ABCC11: variants seen among roughly 807,000 people sequenced by gnomAD.
ABCC11 encodes the protein ATP-binding cassette sub-family C member 11.
In ABCC11, 135 loss-of-function variants were observed where a neutral mutation model predicts 149.3. The ratio of observed to expected loss-of-function variants is 0.90; its 90% CI spans 0.79 to 1.04. ABCC11 has a LOEUF of 1.04. Ranked by LOEUF, ABCC11 falls within the 50% of genes least tolerant of loss-of-function variation. ABCC11 has a pLI of 0.00. For synonymous variants in ABCC11, 665 were observed against 671.4 expected (o/e 0.99, Z 0.15); for missense variants, 1,680 against 1,722.1 (o/e 0.98, Z 0.43).
intron 6 of ABCC11, among the ~76,000 whole-genome samples, chr16:48,222,320 T>G (rs1299968555): frequency 6.6e-6 from 1 of 152,136 alleles, no homozygotes; most frequent in Non-Finnish European, 1.5e-5. Flanking sequence ...TAAACAATCC[T>G]CCTGCCTGGG....
At chr16:48,170,991 T>C in intron 26 of ABCC11, 24 bp from the exon 27 acceptor site, 1 of 1,571,822 alleles carries the variant, frequency 6.4e-7, no homozygotes, top group Non-Finnish European at 8.8e-7. Flanking sequence ...GAAAGAGAAG[T>C]GTTCAACAAC....
intron 22 of ABCC11, among the ~76,000 whole-genome samples, chr16:48,185,227 C>T (rs1966684243): frequency 6.6e-6 from 1 of 152,204 alleles, no homozygotes; most frequent in African/African-American, 2.4e-5. Context: ...ATTTAATGAA[C>T]ATCTGTATAC....
At chr16:48,190,525 G>C (rs182614579) in intron 20 of ABCC11, among the ~76,000 whole-genome samples, 1 of 151,998 alleles carries the variant, frequency 6.6e-6, no homozygotes, top group Non-Finnish European at 1.5e-5. Context: ...CCCCATGTCC[G>C]GCTAATTTTT....
chr16:48,215,494 G>A (rs1969269058), intron 7 of ABCC11, 150 bp from the exon 8 acceptor site: 1 of 902,492 alleles, frequency 1.1e-6, no homozygotes, highest in Admixed American at 3.0e-5. Flanking sequence ...CTATGCCTTA[G>A]AGCATCCCAG....
chr16:48,175,142 G>A, intron 26 of ABCC11, 116 bp downstream of exon 26: 2 of 1,366,148 alleles, frequency 1.5e-6, no homozygotes, highest in East Asian at 2.5e-5. Context: ...GGCCCAGCAG[G>A]CCAAGGAGGC....
intron 12 of ABCC11, among the ~76,000 whole-genome samples, chr16:48,205,811 TC>T (rs1968391791): frequency 7.0e-6 from 1 of 142,044 alleles, no homozygotes. Flanking sequence ...CGTTTTTTCC[TC>T]TTTTTTTTTT....
In ABCC11 at chr16:48,224,403, ACTT is replaced by A. The variant is rs759291792; in HGVS notation, c.419_421del (p.Glu140del). 6.2e-6 allele frequency: 10 copies of A among 1,614,186 alleles called. No homozygotes were observed. The highest frequency in any genetic ancestry group is 6.8e-6 in the Non-Finnish European group (8 of 1,180,026). Reference sequence around the variant, plus strand: ...AGCTTTTTCAATCCCTCGCCTTGAGACTTCTTCTTCCCAAAGGCGGTGAAGCCT... The same window carrying A: ...AGCTTTTTCAATCCCTCGCCTTGAGACTTCTTCCCAAAGGCGGTGAAGCCT... On this transcript the variant is annotated inframe_deletion, in exon 5 of 30. Coordinates refer to ENST00000356608, the MANE Select transcript of ABCC11 (RefSeq NM_001370497.1).
intron 25 of ABCC11, among the ~76,000 whole-genome samples, chr16:48,176,629 A>C (rs1305069754): frequency 6.6e-6 from 1 of 152,168 alleles, no homozygotes; most frequent in Middle Eastern, 3.2e-3. Flanking sequence ...AAGGCCCAGT[A>C]CCACTAGCCC....
chr16:48,223,329 G>A (rs1969870326), intron 5 of ABCC11, among the ~76,000 whole-genome samples: 1 of 152,178 alleles, frequency 6.6e-6, no homozygotes, highest in Non-Finnish European at 1.5e-5. Context: ...TGGGGAATAT[G>A]TATCTTGACC....
chr16:48,235,060 A>G (rs1450164912), intron 1 of ABCC11: 1 of 152,238 alleles, frequency 6.6e-6, no homozygotes, highest in African/African-American at 2.4e-5. Context: ...TCCCTCATTA[A>G]CCAGCAAGTG....
In ABCC11 at chr16:48,184,617, C is replaced by T. The variant is rs1232729397; in HGVS notation, c.3081G>A (p.Arg1027=). The T allele has an allele frequency of 1.9e-6, 3 of 1,613,814 alleles. No individual in the cohort carries two copies. In the Admixed American group the frequency reaches 5.0e-5, roughly 27 times the overall value. ...KTEDFISQFK[R]LTDAQNNYLL... ...GGTAGTTATTCTGCGCATCAGTCAG[C>T]CTCTTAAACCTGAGAAGGAAAGCAC... Residue 1027 remains arginine (R), a synonymous_variant, in exon 23 of 30, where the codon AGG becomes AGA. Coordinates refer to ENST00000356608, the MANE Select transcript of ABCC11 (RefSeq NM_001370497.1).
Position 48,170,987 on chromosome 16 carries a change from G to A in ABCC11, c.3699-20C>T. On this transcript the variant is annotated intron_variant, in intron 26 of 29. Transcript: ENST00000356608. ...TTGAATCTACCATATGAGAGAAAGA[G>A]AAGTGTTCAACAACATCACCCAGGC... 6.3e-7 allele frequency: 1 copy of A among 1,585,662 alleles called. No homozygotes were observed. The highest frequency in any genetic ancestry group is 8.7e-7 in the Non-Finnish European group (1 of 1,154,220).
chr16:48,211,281 G>T (rs983411223), intron 10 of ABCC11, 82 bp from the exon 11 acceptor site: 13 of 1,503,468 alleles, frequency 8.6e-6, no homozygotes, highest in Non-Finnish European at 1.2e-5. Flanking sequence ...TTACAAGTCT[G>T]CCAGTTGGTA....
intron 2 of ABCC11, 68 bp from the exon 3 acceptor site, chr16:48,230,641 AC>A: frequency 7.1e-7 from 1 of 1,407,872 alleles, no homozygotes; most frequent in South Asian, 1.5e-5. Context: ...GGAATGTTGG[AC>A]CAGCTGCCCA....
intron 6 of ABCC11, among the ~76,000 whole-genome samples, chr16:48,218,648 G>A (rs1253441581): frequency 6.6e-6 from 1 of 152,134 alleles, no homozygotes; most frequent in Non-Finnish European, 1.5e-5. Flanking sequence ...CATATGTTGT[G>A]GGAGGGACTA....
intron 12 of ABCC11, among the ~76,000 whole-genome samples, chr16:48,206,280 A>G (rs1313976622): frequency 6.6e-6 from 1 of 152,240 alleles, no homozygotes; most frequent in Non-Finnish European, 1.5e-5. Context: ...GGACATCACG[A>G]TGAAGTATTT....
chr16:48,205,123 C>T (rs1159982415), intron 13 of ABCC11, among the ~76,000 whole-genome samples: 3 of 152,092 alleles, frequency 2.0e-5, no homozygotes, highest in African/African-American at 4.8e-5. Context: ...GCCAATATAG[C>T]GTAATAGTTA....
At position 48,175,436 on chromosome 16, in the gene ABCC11, G is replaced by C. The variant is rs768353934; in HGVS notation, c.3539-19C>G. 6.3e-7 allele frequency: 1 copy of C among 1,595,850 alleles called. No individual in the cohort carries two copies. Among genetic ancestry groups the C allele is most frequent in the Non-Finnish European group, 8.6e-7 (1 of 1,165,792 alleles). ...GACTTCCCTGTGGGGCAAGAAACAA[G>C]CGGGGCCTCAGTTTCCTGCATCTGC... On this transcript the variant is annotated intron_variant, in intron 25 of 29. Coordinates refer to ENST00000356608, the MANE Select transcript of ABCC11 (RefSeq NM_001370497.1).
At chr16:48,226,552 CAGGCGTGAGCCACT>C (rs1370455926) in intron 4 of ABCC11, among the ~76,000 whole-genome samples, 11 of 152,288 alleles carry the variant, frequency 7.2e-5, no homozygotes, top group South Asian at 2.1e-4. Context: ...GCTGGGATTA[CAGGCGTGAGCCACT>C]GCACCCGGCC....
Sources: allele counts gnomAD v4.1 joint callset (sites outside exome capture counted in the v4.1 genomes callset), GRCh38; gene constraint gnomAD v4.1.1; transcripts MANE v1.5; gene names NCBI Gene and HGNC (gene_info 2026-07-23, HGNC 2026-07-21).